The following MANBA variants were observed in gnomAD, a reference collection of about 807,000 sequenced individuals.
The protein encoded by MANBA is beta-mannosidase.
In MANBA, 83 loss-of-function variants were observed where a neutral mutation model predicts 111.1. The ratio of observed to expected loss-of-function variants is 0.75; its 90% confidence interval spans 0.63 to 0.90. The LOEUF is 0.90. MANBA is among the 40% of genes least tolerant of loss of function. The pLI is 0.00. For missense variants in MANBA, 1,036 were observed against 1,069.0 expected, an observed-to-expected ratio of 0.97 and a Z score of 0.43; for synonymous variants, 370 against 378.7, an observed-to-expected ratio of 0.98 and a Z score of 0.27.
intron 13 of MANBA, among the ~76,000 whole-genome samples, chr4:102,649,936 G>C (rs1241113534): frequency 6.6e-6 from 1 of 152,076 alleles, no homozygotes; most frequent in Non-Finnish European, 1.5e-5. Flanking sequence ...TTTAGAGATA[G>C]GGTTCTTGAC....
At position 102,723,829 on chromosome 4, in the gene MANBA, AT is replaced by A. The variant is rs375744268; in HGVS notation, c.378+32del. The stretch of plus-strand genomic sequence containing the variant: ...AAGCAATTAACATAAACACACATAA[AT>A]TTTTTTTAACCTAATGTCATTATAT... On this transcript the variant is annotated intron_variant, in intron 3 of 16. Transcript: ENST00000647097. 6.4e-3 allele frequency: 8,065 copies of A among 1,265,280 alleles called. 394 individuals carry two copies. In the East Asian group the frequency reaches 0.075, roughly 12 times the overall value. 78.4% of individuals were successfully genotyped at this position (1,265,280 alleles called of 1,614,324 possible). A position where few individuals can be genotyped will look rare whatever the true frequency, so the allele number is the denominator to read the frequency against.
At chr4:102,640,899 T>A (rs1729851878) in intron 13 of MANBA, among the ~76,000 whole-genome samples, 2 of 152,082 alleles carry the variant, frequency 1.3e-5, no homozygotes, top group African/African-American at 4.8e-5. Context: ...GAAATTGTGG[T>A]CAGTCAATAA....
chr4:102,730,172 GGTGGAGGCAGGA>G, intron 1 of MANBA: 1 of 982,810 alleles, frequency 1.0e-6, no homozygotes, highest in Non-Finnish European at 1.5e-6. Flanking sequence ...TGATGGACAT[GGTGGAGGCAGGA>G]GTGGGGGCAG....
intron 5 of MANBA, among the ~76,000 whole-genome samples, chr4:102,704,228 T>C (rs983833452): frequency 2.6e-5 from 4 of 152,306 alleles, no homozygotes; most frequent in African/African-American, 9.6e-5. Flanking sequence ...AATTCCCCTG[T>C]CTTGATAAAT....
intron 8 of MANBA, among the ~76,000 whole-genome samples, chr4:102,672,746 T>C (rs1015344575): frequency 1.3e-5 from 2 of 152,152 alleles, no homozygotes; most frequent in African/African-American, 4.8e-5. Context: ...GGAACACTAT[T>C]GTGAACTGTG....
intron 1 of MANBA, among the ~76,000 whole-genome samples, chr4:102,743,389 T>A (rs542302284): frequency 4.6e-5 from 7 of 152,158 alleles, no homozygotes; most frequent in Non-Finnish European, 1.0e-4. Flanking sequence ...AGATTTCCCT[T>A]CACTGCTATC....
chr4:102,714,094 A>G (rs1383556812), intron 5 of MANBA, among the ~76,000 whole-genome samples: 1 of 152,100 alleles, frequency 6.6e-6, no homozygotes, highest in Non-Finnish European at 1.5e-5. Flanking sequence ...AGAATTTGAC[A>G]CTAAAAGTGA....
At chr4:102,673,132 G>A (rs72940735) in intron 8 of MANBA, among the ~76,000 whole-genome samples, 9,667 of 151,960 alleles carry the variant, frequency 0.064, 981 homozygotes, top group African/African-American at 0.22. Flanking sequence ...TCCCACAACC[G>A]CGCCTCCACT....
At chr4:102,643,216 G>T (rs886562048) in intron 13 of MANBA, among the ~76,000 whole-genome samples, 2 of 152,158 alleles carry the variant, frequency 1.3e-5, no homozygotes, top group African/African-American at 2.4e-5. Context: ...GATAAAATAT[G>T]TGGCTTCTGT....
At chr4:102,712,978 C>G (rs1421572672) in intron 5 of MANBA, among the ~76,000 whole-genome samples, 1 of 152,174 alleles carries the variant, frequency 6.6e-6, no homozygotes, top group Non-Finnish European at 1.5e-5. Flanking sequence ...TTGGGAAGCA[C>G]TAAACTAGAG....
chr4:102,733,307 A>G (rs991983728), intron 1 of MANBA, among the ~76,000 whole-genome samples: 1 of 151,844 alleles, frequency 6.6e-6, no homozygotes, highest in African/African-American at 2.4e-5. Flanking sequence ...TTTCCTGAAA[A>G]CTTGAGATTC....
intron 11 of MANBA, among the ~76,000 whole-genome samples, chr4:102,663,891 T>C (rs1215660472): frequency 6.6e-6 from 1 of 152,134 alleles, no homozygotes; most frequent in African/African-American, 2.4e-5. Flanking sequence ...ATATGCCAAT[T>C]AGACAAACAG....
In MANBA at chr4:102,642,804, T is replaced by C. The variant is rs532234039; in HGVS notation, c.1870-2947A>G. ...CCAATATCCCTTTCCTCCAGAGTGA[T>C]GGAGTTGTAGCTGGACTACATTTTC... is the stretch of plus-strand genomic sequence containing the variant. On this transcript the variant is annotated intron_variant, in intron 13 of 16. Transcript: ENST00000647097. Among the ~76,000 whole-genome samples, 111 of 152,248 alleles carry C rather than the reference T, an allele frequency of 7.3e-4. 1 individual carries two copies. The highest frequency in any genetic ancestry group is 2.6e-3 in the African/African-American group (107 of 41,550).
chr4:102,669,841 A>G (rs1385926239), intron 9 of MANBA, among the ~76,000 whole-genome samples: 2 of 151,934 alleles, frequency 1.3e-5, no homozygotes, highest in Admixed American at 1.3e-4. Context: ...TTAGCCGGGC[A>G]AGGTGGTGAG....
Position 102,690,601 on chromosome 4 carries a change from T to C in MANBA, c.844A>G (p.Ser282Gly). Residue 282 changes from serine (S) to glycine (G), a missense_variant, in exon 6 of 17, where the codon AGC becomes GGC. Ser to Gly is a moderately conservative substitution (Grantham distance 56, BLOSUM62 0). Coordinates refer to ENST00000647097, the MANE Select transcript of MANBA (RefSeq NM_005908.4). ...KRIVELFVNISKNITVETWWP... is the reference protein window; with the variant it reads ...KRIVELFVNIGKNITVETWWP... ...CAGGAAGTACCATCATTTACCTTGC[T>C]AATGTTCACAAATAGCTCAACAATC... The C allele has an allele frequency of 6.2e-7, 1 of 1,610,754 alleles. No individual in the cohort carries two copies. Among genetic ancestry groups the C allele is most frequent in the South Asian group, 1.1e-5 (1 of 91,018 alleles).
intron 7 of MANBA, among the ~76,000 whole-genome samples, chr4:102,686,291 T>C (rs1009737680): frequency 6.6e-6 from 1 of 152,172 alleles, no homozygotes; most frequent in African/African-American, 2.4e-5. Flanking sequence ...TTCATACTAT[T>C]AGCTCCAATT....
intron 3 of MANBA, among the ~76,000 whole-genome samples, chr4:102,723,446 T>G (rs1440457515): frequency 6.6e-6 from 1 of 152,228 alleles, no homozygotes; most frequent in Admixed American, 6.5e-5. Flanking sequence ...CATTTCTAAG[T>G]AATGAGTTAT....
At chr4:102,712,016 A>C (rs1464364068) in intron 5 of MANBA, among the ~76,000 whole-genome samples, 1 of 152,206 alleles carries the variant, frequency 6.6e-6, no homozygotes, top group Admixed American at 6.5e-5. Flanking sequence ...TAGTGTGACT[A>C]TACTTAACAA....
At chr4:102,654,550 T>G (rs1404878377) in intron 12 of MANBA, among the ~76,000 whole-genome samples, 1 of 152,214 alleles carries the variant, frequency 6.6e-6, no homozygotes, top group Non-Finnish European at 1.5e-5. Flanking sequence ...AAAGACTTTT[T>G]TTGGTTACTT....
Sources: gnomAD v4.1 joint callset for allele counts (sites outside exome capture counted in the v4.1 genomes callset) on GRCh38, gnomAD v4.1.1 for gene constraint, MANE v1.5 for transcripts, NCBI Gene and HGNC (gene_info 2026-07-23, HGNC 2026-07-21) for gene names.